The following SLC5A2 variants were observed in gnomAD, a reference collection of about 807,000 sequenced individuals.
SLC5A2 encodes the protein sodium/glucose cotransporter 2.
In SLC5A2, 67 loss-of-function variants were observed where a neutral mutation model predicts 69.0. The ratio of observed to expected loss-of-function variants is 0.97; its 90% CI spans 0.80 to 1.19. The LOEUF (loss-of-function observed/expected upper bound fraction) is 1.19, where lower values mean the gene tolerates loss of function less well. SLC5A2 is among the 50% of genes most tolerant of loss of function. SLC5A2 has a pLI of 0.00. For synonymous variants in SLC5A2, 455 were observed against 395.8 expected, an observed-to-expected ratio of 1.15 and a Z score of -1.78; for missense variants, 1,001 against 921.5, an observed-to-expected ratio of 1.09 and a Z score of -1.12.
At position 31,484,867 on chromosome 16, in the gene SLC5A2, G is replaced by T; in HGVS notation, c.247G>T (p.Gly83Cys). The T allele has an allele frequency of 6.2e-7, 1 of 1,614,124 alleles. No homozygotes were observed. Residue 83 changes from glycine (G) to cysteine (C), a missense_variant, in exon 3 of 14, where the codon GGC becomes TGC. Gly to Cys is a radical substitution (Grantham distance 159, BLOSUM62 -3). Coordinates refer to ENST00000330498, the MANE Select transcript of SLC5A2 (RefSeq NM_003041.4). The part of the protein sequence containing the change: ...ASNIGSGHFV[G>C]LAGTGAASGL... ...CAACATCGGCAGTGGCCACTTTGTG[G>T]GCCTGGCAGGGACTGGCGCTGCAAG...
rs1188747191 is a variant in SLC5A2 at position 31,489,264 on chromosome 16, A to G, written c.1591A>G (p.Ile531Val). ...LCGVHYLYFA[I>V]VLFFCSGLLT... ...CGGCGTGCACTACCTCTACTTCGCCATTGTGCTGTTCTTCTGCTCTGGCCT... is the reference window on the plus strand; with the variant it reads ...CGGCGTGCACTACCTCTACTTCGCCGTTGTGCTGTTCTTCTGCTCTGGCCT... Residue 531 changes from isoleucine (I) to valine (V), a missense_variant, in exon 12 of 14, where the codon ATT becomes GTT. Physicochemically the swap from Ile to Val is conservative, Grantham distance 29. Transcript: ENST00000330498. 2 of 1,610,892 alleles carry G rather than the reference A, an allele frequency of 1.2e-6. No homozygotes were observed. The highest frequency in any genetic ancestry group is 1.7e-6 in the Non-Finnish European group (2 of 1,180,002).
chr16:31,488,614 GC>G lies in SLC5A2; in HGVS notation c.1130-5del. ...GGCCCCAGCCTCACGGCTGCCGTCGGCCCGCAGGTCTGCGCGGACTCATGCT... is the reference window on the plus strand; with the variant it reads ...GGCCCCAGCCTCACGGCTGCCGTCGGCCGCAGGTCTGCGCGGACTCATGCT... On this transcript the variant is annotated splice_polypyrimidine_tract_variant and splice_region_variant and intron_variant, in intron 9 of 13. Coordinates refer to ENST00000330498, the MANE Select transcript of SLC5A2 (RefSeq NM_003041.4). The G allele has an allele frequency of 6.2e-7, 1 of 1,609,856 alleles. No homozygotes were observed. The highest frequency in any genetic ancestry group is 8.5e-7 in the Non-Finnish European group (1 of 1,178,908).
rs1567386843 is a variant in SLC5A2 at position 31,483,219 on chromosome 16, T to A, written c.83T>A (p.Val28Asp). ...ALIDNPADIL[V>D]IAAYFLLVIG... ...ATTGACAATCCTGCTGACATCCTAGTCATTGCTGCATATTTCCTGCTGGTC... is the reference window on the plus strand; with the variant it reads ...ATTGACAATCCTGCTGACATCCTAGACATTGCTGCATATTTCCTGCTGGTC... Residue 28 changes from valine to aspartate, a missense_variant, in exon 1 of 14, where the codon GTC becomes GAC. Transcript: ENST00000330498. 3 of 1,613,808 alleles carry A rather than the reference T, an allele frequency of 1.9e-6. No individual in the cohort carries two copies. The highest frequency in any genetic ancestry group is 2.5e-6 in the Non-Finnish European group (3 of 1,179,982).
Position 31,484,863 on chromosome 16 carries a change from T to C in SLC5A2, c.243T>C (p.Phe81=), listed in dbSNP as rs773907544. 81 of 1,614,142 alleles carry C rather than the reference T, an allele frequency of 5.0e-5. 1 individual carries two copies. The highest frequency in any genetic ancestry group is 6.4e-5 in the Non-Finnish European group (76 of 1,180,038). Residue 81 remains phenylalanine (F), a synonymous_variant, in exon 3 of 14, where the codon TTT becomes TTC. Transcript: ENST00000330498. ...CCAGCAACATCGGCAGTGGCCACTT[T>C]GTGGGCCTGGCAGGGACTGGCGCTG... is the stretch of plus-strand genomic sequence containing the variant. ...LFASNIGSGH[F]VGLAGTGAAS... is the part of the protein sequence containing the mutation.
At position 31,487,686 on chromosome 16, in the gene SLC5A2, C is replaced by G. The variant is rs372869434; in HGVS notation, c.812C>G (p.Thr271Ser). ...TACCACCTGCTCCGGCACCCCGTGA[C>G]CGGGGATCTGCCGTGGCCCGCGCTG... The part of the protein sequence containing the change: ...DSYHLLRHPV[T>S]GDLPWPALLL... The change falls in exon 7 of 14, where the codon ACC (threonine) becomes AGC (serine). Residue 271 changes from threonine to serine, a missense_variant. Transcript: ENST00000330498. The G allele has an allele frequency of 3.1e-6, 5 of 1,613,466 alleles. No individual in the cohort carries two copies. Among genetic ancestry groups the G allele is most frequent in the Non-Finnish European group, 4.2e-6 (5 of 1,180,012 alleles).
Position 31,490,601 on chromosome 16 carries a change from C to T in SLC5A2, c.*66C>T. On this transcript the variant is annotated 3_prime_UTR_variant, in exon 14 of 14. Transcript: ENST00000330498. ...AAGTGGGGGTGAGGAGCCTGCGGTGCTCCCCAGAAAAGGGGAAGGGGCAGT... is the reference window on the plus strand; with the variant it reads ...AAGTGGGGGTGAGGAGCCTGCGGTGTTCCCCAGAAAAGGGGAAGGGGCAGT... 7.2e-7 allele frequency: 1 copy of T among 1,386,100 alleles called. No homozygotes were observed. The highest frequency in any genetic ancestry group is 1.2e-5 in the South Asian group (1 of 82,276). 85.9% of individuals were successfully genotyped at this position (1,386,100 alleles called of 1,614,324 possible).
rs2082508876 is a variant in SLC5A2, at chr16:31,487,679, C to CCCGTGA, written c.809_814dup (p.Val270_Thr271dup). ...CGACTCCTACCACCTGCTCCGGCAC[C>CCCGTGA]CCGTGACCGGGGATCTGCCGTGGCC... On this transcript the variant is annotated inframe_insertion, in exon 7 of 14. Coordinates refer to ENST00000330498, the MANE Select transcript of SLC5A2 (RefSeq NM_003041.4). 1.2e-6 allele frequency: 2 copies of CCCGTGA among 1,613,570 alleles called. No homozygotes were observed. The highest frequency in any genetic ancestry group is 1.7e-6 in the Non-Finnish European group (2 of 1,180,014).
intron 3 of SLC5A2, chr16:31,485,135 T>G (rs1366983315): frequency 1.5e-6 from 1 of 650,048 alleles, no homozygotes. Flanking sequence ...TGACTTGCCA[T>G]GTGAGCCAGC....
intron 3 of SLC5A2, chr16:31,485,405 CA>C (rs1596617552): frequency 8.2e-6 from 4 of 485,692 alleles, no homozygotes; most frequent in African/African-American, 5.8e-5. Flanking sequence ...TTGAGGGACA[CA>C]AGGTTTGGGT....
At chr16:31,483,373 A>G in intron 1 of SLC5A2, 111 bp downstream of exon 1, 1 of 1,396,008 alleles carries the variant, frequency 7.2e-7, no homozygotes, top group Non-Finnish European at 1.0e-6. Context: ...TGAAGGAGAA[A>G]CCTAGGCCTG....
rs2082553888 is a variant in SLC5A2 at position 31,490,398 on chromosome 16, C to A, written c.1882C>A (p.Leu628Ile). Residue 628 changes from leucine to isoleucine, a missense_variant, in exon 14 of 14, where the codon CTT (leucine) becomes ATT (isoleucine). Transcript: ENST00000330498. Reference sequence around the variant, plus strand: ...AGGTGGGGTGGGCAGTCCTCCGCCCCTTACCCAGGAGGAGGCAGCGGCAGC... The same window carrying A: ...AGGTGGGGTGGGCAGTCCTCCGCCCATTACCCAGGAGGAGGCAGCGGCAGC... ...SRGGVGSPPP[L>I]TQEEAAAAAR... The A allele has an allele frequency of 6.2e-7, 1 of 1,613,622 alleles. No individual in the cohort carries two copies. The highest frequency in any genetic ancestry group is 8.5e-7 in the Non-Finnish European group (1 of 1,179,882).
chr16:31,489,611 A>G, intron 12 of SLC5A2: 1 of 569,806 alleles, frequency 1.8e-6, no homozygotes, highest in East Asian at 3.0e-5. Flanking sequence ...ACAGGATCTG[A>G]CTGGTGGGCA....
rs774099072 is a variant in SLC5A2 at position 31,486,179 on chromosome 16, T to A, written c.478T>A (p.Phe160Ile). 1 of 1,613,462 alleles carries A rather than the reference T, an allele frequency of 6.2e-7. No homozygotes were observed. Among genetic ancestry groups the A allele is most frequent in the South Asian group, 1.1e-5 (1 of 91,058 alleles). ...TTGCTTCTCCCCCAAGGTGGACATGTTCTCCGGAGCTGTATTCATCCAGCA... is the reference window on the plus strand; with the variant it reads ...TTGCTTCTCCCCCAAGGTGGACATGATCTCCGGAGCTGTATTCATCCAGCA... ...YIFTKISVDMFSGAVFIQQAL... is the reference protein window; with the variant it reads ...YIFTKISVDMISGAVFIQQAL... Residue 160 changes from phenylalanine (F) to isoleucine (I), a missense_variant, in exon 5 of 14, where the codon TTC becomes ATC. Transcript: ENST00000330498.
At position 31,483,146 on chromosome 16, in the gene SLC5A2, C is replaced by A; in HGVS notation, c.10C>A (p.His4Asn). ...GCAGATCCTGGGGAGAATGGAGGAG[C>A]ACACAGAGGCAGGCTCGGCACCAGA... The part of the protein sequence containing the change: MEE[H>N]TEAGSAPEMG... The change falls in exon 1 of 14, where the codon CAC becomes AAC. Residue 4 changes from histidine (H) to asparagine (N), a missense_variant. By Grantham distance (68) the His-to-Asn change is moderately conservative. Transcript: ENST00000330498. 5 of 1,614,012 alleles carry A rather than the reference C, an allele frequency of 3.1e-6. No individual in the cohort carries two copies. The highest frequency in any genetic ancestry group is 4.2e-6 in the Non-Finnish European group (5 of 1,180,018).
intron 12 of SLC5A2, 38 bp from the exon 13 acceptor site, chr16:31,490,066 C>A (rs751006963): frequency 1.2e-6 from 2 of 1,611,934 alleles, no homozygotes; most frequent in African/African-American, 1.3e-5. Flanking sequence ...CATGGGGGGA[C>A]AGAACTCCCA....
chr16:31,490,143 G>T lies in SLC5A2; in HGVS notation c.1705G>T (p.Glu569Ter), dbSNP rs775983861. 1.2e-6 allele frequency: 2 copies of T among 1,614,124 alleles called. No homozygotes were observed. The highest frequency in any genetic ancestry group is 1.7e-6 in the Non-Finnish European group (2 of 1,180,040). Reference sequence around the variant, plus strand: ...CTTCAGTCTCCGGCATAGCAAGGAGGAACGGGAGGACCTGGATGCTGATGA... The same window carrying T: ...CTTCAGTCTCCGGCATAGCAAGGAGTAACGGGAGGACCTGGATGCTGATGA... ...LVFSLRHSKE[E>*]REDLDADEQQ... Residue 569 changes from glutamate (E) to a stop codon, truncating the protein, a stop_gained, in exon 13 of 14, where the codon GAA becomes TAA. Transcript: ENST00000330498. LOFTEE classifies it high-confidence loss of function.
At position 31,487,310 on chromosome 16, in the gene SLC5A2, C is replaced by A. The variant is rs376573514; in HGVS notation, c.575-10C>A. 2.5e-6 allele frequency: 4 copies of A among 1,613,738 alleles called. No individual in the cohort carries two copies. In the South Asian group the frequency reaches 4.4e-5, roughly 18 times the overall value. ...CAGCTGGGCTGTCCCCTGACCCCGG[C>A]CTGTTGCAGGAGGGCTGGCCGCGCT... On this transcript the variant is annotated splice_polypyrimidine_tract_variant and intron_variant, in intron 5 of 13. Coordinates refer to ENST00000330498, the MANE Select transcript of SLC5A2 (RefSeq NM_003041.4).
chr16:31,489,815 G>A, intron 12 of SLC5A2: 1 of 471,746 alleles, frequency 2.1e-6, no homozygotes, highest in Non-Finnish European at 3.9e-6. Flanking sequence ...GAGCAGGACT[G>A]CCAGGCCAGT....
rs751312838 is a variant in SLC5A2, at chr16:31,488,739, G to A, written c.1247G>A (p.Arg416His). 1.2e-6 allele frequency: 2 copies of A among 1,608,724 alleles called. No individual in the cohort carries two copies. Among genetic ancestry groups the A allele is most frequent in the Non-Finnish European group, 1.7e-6 (2 of 1,178,328 alleles). ...GACATCTACACGCGCCTGCGGCCAC[G>A]CGCCGGCGACCGCGAGCTGCTGCTG... ...TMDIYTRLRP[R>H]AGDRELLLVG... is the part of the protein sequence containing the mutation. Residue 416 changes from arginine to histidine, a missense_variant, in exon 10 of 14, where the codon CGC (arginine) becomes CAC (histidine). Transcript: ENST00000330498.
Sources: gnomAD v4.1 joint callset for allele counts on GRCh38, gnomAD v4.1.1 for gene constraint, MANE v1.5 for transcripts, NCBI Gene and HGNC (gene_info 2026-07-23, HGNC 2026-07-21) for gene names.